The following LITAF variants were observed in gnomAD, a reference collection of about 807,000 sequenced individuals.
LITAF encodes lipopolysaccharide induced TNF factor.
In LITAF, 9 loss-of-function variants were observed where a neutral mutation model predicts 14.5. The ratio of observed to expected loss-of-function variants is 0.62; its 90% confidence interval spans 0.37 to 1.08. The LOEUF is 1.08. Among genes scored for constraint, LITAF ranks in the 50% least tolerant of loss-of-function variants. The probability of loss-of-function intolerance (pLI) is 0.01; values close to 1 mark genes in which losing one functional copy is unlikely to be tolerated. For synonymous variants in LITAF, 98 were observed against 88.2 expected (o/e 1.11, Z -0.62); for missense variants, 206 against 213.4 (o/e 0.97, Z 0.22).
chr16:11,636,112 G>A (rs1399868391), intron 1 of LITAF: 1 of 152,206 alleles, frequency 6.6e-6, no homozygotes, highest in Non-Finnish European at 1.5e-5. Context: ...TCCCAAGCAT[G>A]GAGAAATTTC....
At chr16:11,574,365 A>G (rs1055915413) in intron 1 of LITAF, among the ~76,000 whole-genome samples, 2 of 152,106 alleles carry the variant, frequency 1.3e-5, no homozygotes, top group African/African-American at 4.8e-5. Flanking sequence ...TATAATATGC[A>G]AAAAATGTCT....
rs947800181 is a variant in LITAF, at chr16:11,632,237, C to T, written c.85+1296G>A. 6.6e-6 allele frequency among the ~76,000 whole-genome samples: 1 copy of T among 152,072 alleles called. No homozygotes were observed. The highest frequency in any genetic ancestry group is 6.6e-5 in the Admixed American group (1 of 15,264). The stretch of plus-strand genomic sequence containing the variant: ...GGAGTTACGTCGTGGACGTGTCTTT[C>T]GGGGAGGGGTCATTATCAAGTAACT... On this transcript the variant is annotated intron_variant, in intron 3 of 3. Transcript: ENST00000574848. This position sits in a 1 kb window ranked among gnomAD's most constrained non-coding sequence, Gnocchi z 4.8.
At chr16:11,556,323 G>A (rs1034625260) in intron 2 of LITAF, 188 bp downstream of exon 2, 32 of 601,764 alleles carry the variant, frequency 5.3e-5, no homozygotes, top group African/African-American at 1.1e-4. Context: ...ACTTTATTAC[G>A]GAAAAGCTGT....
intron 3 of LITAF, among the ~76,000 whole-genome samples, chr16:11,617,748 A>G (rs1433332742): frequency 2.6e-5 from 4 of 152,014 alleles, no homozygotes; most frequent in African/African-American, 9.7e-5. Flanking sequence ...TCTTTCAGGC[A>G]TCTGGTATAA....
chr16:11,606,727 C>A (rs1489078928), intron 3 of LITAF, among the ~76,000 whole-genome samples: 1 of 151,914 alleles, frequency 6.6e-6, no homozygotes, highest in Non-Finnish European at 1.5e-5. Context: ...CTCTGCCTCC[C>A]GGGTTCAATC....
At chr16:11,598,869 G>C (rs1047328201), upstream of LITAF, among the ~76,000 whole-genome samples, 27 of 151,232 alleles carry the variant, frequency 1.8e-4, no homozygotes, top group African/African-American at 6.1e-4. Flanking sequence ...ACCCAGGCTG[G>C]AGTGCAGTGG....
intron 3 of LITAF, among the ~76,000 whole-genome samples, chr16:11,609,100 C>T (rs778553908): frequency 1.3e-5 from 2 of 151,902 alleles, no homozygotes; most frequent in Admixed American, 6.6e-5. Flanking sequence ...AATTAGACAG[C>T]GATGGCTAAA....
intron 1 of LITAF, among the ~76,000 whole-genome samples, chr16:11,583,833 G>C (rs531286381): frequency 6.6e-6 from 1 of 152,276 alleles, no homozygotes; most frequent in African/African-American, 2.4e-5. Context: ...TACCTACTGC[G>C]AGGTGAGCAG....
intron 3 of LITAF, among the ~76,000 whole-genome samples, chr16:11,617,007 G>A (rs1173833310): frequency 6.6e-6 from 1 of 151,558 alleles, no homozygotes; most frequent in Non-Finnish European, 1.5e-5. Context: ...ATCACCTGAG[G>A]TCAGGAGTTC....
At chr16:11,598,942 C>T (rs1009871606), upstream of LITAF, among the ~76,000 whole-genome samples, 6 of 151,824 alleles carry the variant, frequency 4.0e-5, no homozygotes, top group Non-Finnish European at 8.8e-5. Flanking sequence ...GCCTCAGCCT[C>T]TCAAGTAGCT....
At chr16:11,583,445 A>G (rs1227263201) in intron 1 of LITAF, among the ~76,000 whole-genome samples, 2 of 152,208 alleles carry the variant, frequency 1.3e-5, no homozygotes, top group African/African-American at 4.8e-5. Flanking sequence ...CAAGGAGATC[A>G]TTAATAAGAC....
chr16:11,606,792 G>A (rs1169523402), intron 3 of LITAF, among the ~76,000 whole-genome samples: 1 of 151,918 alleles, frequency 6.6e-6, no homozygotes, highest in Non-Finnish European at 1.5e-5. Flanking sequence ...CCACCACCAT[G>A]CCCAGCTAAT....
upstream of LITAF, among the ~76,000 whole-genome samples, chr16:11,598,678 C>A (rs896490336): frequency 6.6e-6 from 1 of 152,194 alleles, no homozygotes; most frequent in South Asian, 2.1e-4. Flanking sequence ...TCCCTCTGGT[C>A]TCTTTCGCAG....
At chr16:11,588,473 A>G (rs1306131979), upstream of LITAF, among the ~76,000 whole-genome samples, 3 of 151,884 alleles carry the variant, frequency 2.0e-5, no homozygotes, top group Non-Finnish European at 4.4e-5. Flanking sequence ...ACTGCACTGT[A>G]GCAAGCAAGC....
intron 3 of LITAF, among the ~76,000 whole-genome samples, chr16:11,618,994 A>AAAACAAACAAAC (rs141083763): frequency 4.5e-4 from 67 of 148,292 alleles, no homozygotes; most frequent in Non-Finnish European, 1.2e-4. Context: ...AAAAAAAAAC[A>AAAACAAACAAAC]AAACAAACAA....
At position 11,632,749 on chromosome 16, in the gene LITAF, A is replaced by G. The variant is rs772618403; in HGVS notation, c.85+784T>C. ...TCTGCTGGCTCTGAGCGCAGAGTCC[A>G]GCCCCCATGCACATGACTATGTGGT... is the stretch of plus-strand genomic sequence containing the variant. On this transcript the variant is annotated intron_variant, in intron 3 of 3. Coordinates refer to the LITAF transcript ENST00000574848. This position sits in a 1 kb window ranked among gnomAD's most constrained non-coding sequence, Gnocchi z 4.8. Among the ~76,000 whole-genome samples, 1 of 152,200 alleles carries G rather than the reference A, an allele frequency of 6.6e-6. No individual in the cohort carries two copies. The highest frequency in any genetic ancestry group is 2.4e-5 in the African/African-American group (1 of 41,452).
At chr16:11,581,304 A>G (rs2064729104) in intron 1 of LITAF, among the ~76,000 whole-genome samples, 1 of 152,246 alleles carries the variant, frequency 6.6e-6, no homozygotes, top group Admixed American at 6.5e-5. Flanking sequence ...ATAAGGTGAA[A>G]TGGAATAGGC....
intron 1 of LITAF, among the ~76,000 whole-genome samples, chr16:11,595,878 G>A (rs1215665865): frequency 2.6e-5 from 4 of 152,158 alleles, no homozygotes; most frequent in Non-Finnish European, 5.9e-5. Flanking sequence ...CCTATACTGT[G>A]TAAGACATAC....
At chr16:11,615,363 C>T (rs2065010968) in intron 3 of LITAF, among the ~76,000 whole-genome samples, 1 of 152,126 alleles carries the variant, frequency 6.6e-6, no homozygotes, top group Non-Finnish European at 1.5e-5. Flanking sequence ...ATGGCGAAAC[C>T]CCGTCTCTAC....
Sources: allele counts gnomAD v4.1 joint callset (sites outside exome capture counted in the v4.1 genomes callset), GRCh38; gene constraint gnomAD v4.1.1; non-coding constraint Gnocchi (gnomAD v3.1); transcripts MANE v1.5; gene names NCBI Gene and HGNC (gene_info 2026-07-23, HGNC 2026-07-21).